MACROD2: variants seen among roughly 807,000 people sequenced by gnomAD.
MACROD2 encodes mono-ADP ribosylhydrolase 2, also known as ADP-ribose glycohydrolase MACROD2.
In MACROD2, 36 loss-of-function variants were observed where a neutral mutation model predicts 70.4. That is an observed-to-expected ratio of 0.51 (90% CI 0.39 to 0.68). The LOEUF is 0.68. Among genes scored for constraint, MACROD2 ranks in the 30% least tolerant of loss-of-function variants. The pLI is 0.00. For synonymous variants in MACROD2, 172 were observed against 178.8 expected, an observed-to-expected ratio of 0.96 and a Z score of 0.30; for missense variants, 496 against 538.4, an observed-to-expected ratio of 0.92 and a Z score of 0.78.
At chr20:15,773,042 CT>C (rs2051663609) in intron 8 of MACROD2, among the ~76,000 whole-genome samples, 1 of 151,982 alleles carries the variant, frequency 6.6e-6, no homozygotes, top group South Asian at 2.1e-4. Flanking sequence ...AAATATCTTC[CT>C]TTTGAGTCAT....
chr20:15,743,424 A>G (rs540778893), intron 8 of MACROD2, among the ~76,000 whole-genome samples: 1 of 152,306 alleles, frequency 6.6e-6, no homozygotes, highest in East Asian at 1.9e-4. Context: ...AGCCTAGGAA[A>G]AAAGGGTACT....
intron 8 of MACROD2, among the ~76,000 whole-genome samples, chr20:15,696,927 A>G (rs1206761329): frequency 6.6e-6 from 1 of 151,834 alleles, no homozygotes; most frequent in Admixed American, 6.6e-5. Context: ...TGGTAAGGTT[A>G]TTTGGATTTT....
chr20:14,792,112 A>G (rs1469025544), intron 5 of MACROD2, among the ~76,000 whole-genome samples: 2 of 152,022 alleles, frequency 1.3e-5, no homozygotes, highest in East Asian at 1.9e-4. Flanking sequence ...CTTGCCTCAT[A>G]TCATGTATCA....
At position 15,552,593 on chromosome 20, in the gene MACROD2, C is replaced by T. The variant is rs537440517; in HGVS notation, c.645+52746C>T. ...ATGGACAGTTCCCAGATAACACAGA[C>T]AGCTTCCATGTCAAAAACCTCCATC... On this transcript the variant is annotated intron_variant, in intron 8 of 17. Transcript: ENST00000684519. 9 of 152,376 alleles carry T rather than the reference C, an allele frequency of 5.9e-5. No homozygotes were observed. The South Asian group carries it at 8.3e-4, about 14-fold the overall frequency. The allele number at this position is 152,376 out of a possible 1,614,324, so 9.4% of individuals were successfully genotyped here.
intron 6 of MACROD2, among the ~76,000 whole-genome samples, chr20:15,263,568 C>T (rs191355723): frequency 2.0e-5 from 3 of 151,960 alleles, no homozygotes; most frequent in Admixed American, 1.3e-4. Flanking sequence ...CTGTGAAAAA[C>T]GTCATTGGCA....
intron 5 of MACROD2, among the ~76,000 whole-genome samples, chr20:14,737,123 G>A (rs1201715490): frequency 6.6e-6 from 1 of 151,926 alleles, no homozygotes; most frequent in Non-Finnish European, 1.5e-5. Context: ...CACCCAACAG[G>A]CCCTGGTGTG....
At chr20:14,630,420 T>C (rs1016283546) in intron 4 of MACROD2, among the ~76,000 whole-genome samples, 1 of 152,194 alleles carries the variant, frequency 6.6e-6, no homozygotes, top group Non-Finnish European at 1.5e-5. Context: ...TAACTAAACT[T>C]GTTTGAGGCT....
At chr20:14,105,003 G>A (rs1398284946) in intron 3 of MACROD2, among the ~76,000 whole-genome samples, 1 of 152,128 alleles carries the variant, frequency 6.6e-6, no homozygotes, top group Non-Finnish European at 1.5e-5. Context: ...AATTCATGAG[G>A]CCTAGGGGCT....
intron 3 of MACROD2, among the ~76,000 whole-genome samples, chr20:14,203,443 T>C (rs1473011639): frequency 1.3e-5 from 2 of 152,154 alleles, no homozygotes; most frequent in Non-Finnish European, 2.9e-5. Flanking sequence ...GGAGGTATCA[T>C]GTTTTCTTGC....
intron 8 of MACROD2, among the ~76,000 whole-genome samples, chr20:15,673,494 A>G (rs753940760): frequency 4.5e-4 from 68 of 152,274 alleles, no homozygotes; most frequent in African/African-American, 1.3e-3. Flanking sequence ...CTAAATCCCA[A>G]TCTTCATAAG....
intron 8 of MACROD2, among the ~76,000 whole-genome samples, chr20:15,786,897 A>C (rs930031772): frequency 1.3e-5 from 2 of 152,228 alleles, no homozygotes; most frequent in African/African-American, 4.8e-5. Flanking sequence ...TTGAGATGGC[A>C]TACAAAGTGT....
At chr20:14,232,447 A>C (rs1018868347) in intron 3 of MACROD2, among the ~76,000 whole-genome samples, 2 of 152,224 alleles carry the variant, frequency 1.3e-5, no homozygotes, top group Admixed American at 1.3e-4. Context: ...AGCCACCTTC[A>C]TCAGTTATCT....
chr20:15,113,315 A>G (rs1040367984), intron 5 of MACROD2, among the ~76,000 whole-genome samples: 8 of 152,138 alleles, frequency 5.3e-5, no homozygotes, highest in African/African-American at 1.9e-4. Context: ...ACAATGCCAT[A>G]TGTAGCTGAT....
At chr20:14,938,168 C>G (rs6043010) in intron 5 of MACROD2, among the ~76,000 whole-genome samples, 1 of 151,816 alleles carries the variant, frequency 6.6e-6, no homozygotes, top group Non-Finnish European at 1.5e-5. Context: ...GTGCAGATAC[C>G]TCTTTATTTT....
At chr20:15,010,326 C>A (rs1251697005) in intron 5 of MACROD2, among the ~76,000 whole-genome samples, 1 of 152,164 alleles carries the variant, frequency 6.6e-6, no homozygotes, top group African/African-American at 2.4e-5. Flanking sequence ...CTTAAAATGC[C>A]TGCTAAGCCA....
At chr20:14,466,588 C>T (rs575055454) in intron 3 of MACROD2, among the ~76,000 whole-genome samples, 1 of 152,208 alleles carries the variant, frequency 6.6e-6, no homozygotes, top group East Asian at 1.9e-4. Flanking sequence ...GAGCTGCGTT[C>T]CTTTGGAGGA....
At chr20:15,632,160 T>C (rs2049300362) in intron 8 of MACROD2, among the ~76,000 whole-genome samples, 2 of 149,508 alleles carry the variant, frequency 1.3e-5, no homozygotes, top group Non-Finnish European at 3.0e-5. Flanking sequence ...AGCGAAACTC[T>C]TACTCAAAAA....
intron 3 of MACROD2, among the ~76,000 whole-genome samples, chr20:14,197,003 T>A (rs1029872766): frequency 1.6e-4 from 24 of 152,204 alleles, no homozygotes; most frequent in Admixed American, 1.5e-3. Flanking sequence ...GTACATGCTG[T>A]ACACACGGCA....
intron 5 of MACROD2, among the ~76,000 whole-genome samples, chr20:14,816,584 A>AT (rs1316963598): frequency 6.6e-6 from 1 of 151,966 alleles, no homozygotes; most frequent in African/African-American, 2.4e-5. Flanking sequence ...CCACTTTCAT[A>AT]TTTTTTATTT....
Sources: allele counts gnomAD v4.1 joint callset (sites outside exome capture counted in the v4.1 genomes callset), GRCh38; gene constraint gnomAD v4.1.1; transcripts MANE v1.5; gene names NCBI Gene and HGNC (gene_info 2026-07-23, HGNC 2026-07-21).